The following PTK2 variants were observed in gnomAD, a reference collection of about 807,000 sequenced individuals.
PTK2 encodes the protein protein tyrosine kinase 2.
A neutral mutation model predicts 150.1 loss-of-function variants in PTK2; 45 were observed. The ratio of observed to expected loss-of-function variants is 0.30; its 90% CI spans 0.24 to 0.38. PTK2 has a LOEUF of 0.38. Among genes scored for constraint, PTK2 ranks in the 10% least tolerant of loss-of-function variants. PTK2 has a pLI of 1.00. For missense variants in PTK2, 919 were observed against 1,307.3 expected (o/e 0.70, Z 4.58); for synonymous variants, 432 against 449.2 (o/e 0.96, Z 0.48).
intron 16 of PTK2, among the ~76,000 whole-genome samples, chr8:140,760,740 C>T (rs1426240539): frequency 2.0e-5 from 3 of 152,158 alleles, no homozygotes; most frequent in East Asian, 1.9e-4. Flanking sequence ...GCAAATGATA[C>T]TTCATTAAGC....
chr8:140,907,788 G>A (rs979346663), intron 2 of PTK2, among the ~76,000 whole-genome samples: 42 of 152,186 alleles, frequency 2.8e-4, no homozygotes, highest in African/African-American at 7.2e-4. Flanking sequence ...TGGCACCCAC[G>A]TTAAGAGAGC....
chr8:140,859,096 CAG>C (rs757376332), intron 5 of PTK2, among the ~76,000 whole-genome samples: 5 of 152,064 alleles, frequency 3.3e-5, no homozygotes, highest in Non-Finnish European at 7.4e-5. Flanking sequence ...CAAAACAAAA[CAG>C]AAAATACTCA....
intron 13 of PTK2, among the ~76,000 whole-genome samples, chr8:140,791,225 G>C (rs1420185370): frequency 6.6e-6 from 1 of 152,060 alleles, no homozygotes; most frequent in Non-Finnish European, 1.5e-5. Flanking sequence ...ACCCAGACTC[G>C]AGTGTGGTTG....
intron 4 of PTK2, among the ~76,000 whole-genome samples, chr8:140,868,246 C>G (rs537094249): frequency 6.6e-6 from 1 of 152,204 alleles, no homozygotes; most frequent in East Asian, 1.9e-4. Context: ...CTAGCTAGTC[C>G]GTGTTTAGTG....
intron 17 of PTK2, 187 bp downstream of exon 20, chr8:140,752,045 A>G: frequency 1.4e-6 from 1 of 701,056 alleles, no homozygotes; most frequent in Non-Finnish European, 2.6e-6. Flanking sequence ...ATAAAACATG[A>G]TGGTTTACCT....
At chr8:140,850,742 GA>G (rs1160556748) in intron 5 of PTK2, among the ~76,000 whole-genome samples, 2 of 150,644 alleles carry the variant, frequency 1.3e-5, no homozygotes, top group African/African-American at 2.4e-5. Context: ...AAAAGAAAAA[GA>G]AAAAAAAACT....
At chr8:140,801,284 A>G (rs1016608304) in intron 11 of PTK2, among the ~76,000 whole-genome samples, 7 of 152,218 alleles carry the variant, frequency 4.6e-5, no homozygotes, top group African/African-American at 7.2e-5. Context: ...AGCTTCAAAA[A>G]ACATGCTTTA....
chr8:140,910,221 G>A (rs1370049172), intron 2 of PTK2, among the ~76,000 whole-genome samples: 2 of 152,074 alleles, frequency 1.3e-5, no homozygotes, highest in Non-Finnish European at 2.9e-5. Context: ...ATAAAAGAGT[G>A]GGGGAGGTAA....
intron 5 of PTK2, among the ~76,000 whole-genome samples, chr8:140,863,770 G>A (rs190203389): frequency 2.0e-5 from 3 of 152,224 alleles, no homozygotes; most frequent in East Asian, 1.9e-4. Context: ...TGGATTATGC[G>A]ATTTATTTCT....
At chr8:140,829,415 T>C (rs565063172) in intron 8 of PTK2, among the ~76,000 whole-genome samples, 4 of 152,250 alleles carry the variant, frequency 2.6e-5, no homozygotes, top group African/African-American at 9.6e-5. Flanking sequence ...TGATAAATTA[T>C]ACCAACACTC....
intron 1 of PTK2, among the ~76,000 whole-genome samples, chr8:140,970,329 T>C (rs2100186785): frequency 6.6e-6 from 1 of 152,284 alleles, no homozygotes; most frequent in Non-Finnish European, 1.5e-5. Flanking sequence ...GACCAGCTTC[T>C]AGATCCTCAG....
At chr8:140,897,137 C>T (rs573390081) in intron 2 of PTK2, among the ~76,000 whole-genome samples, 7 of 152,226 alleles carry the variant, frequency 4.6e-5, no homozygotes, top group Non-Finnish European at 7.4e-5. Flanking sequence ...GGAATAAATA[C>T]GGAGTATGTC....
At chr8:140,946,610 T>G (rs2100177788) in intron 1 of PTK2, among the ~76,000 whole-genome samples, 1 of 152,346 alleles carries the variant, frequency 6.6e-6, no homozygotes, top group Non-Finnish European at 1.5e-5. Context: ...GTTTCCCGCA[T>G]GAATACACCC....
intron 16 of PTK2, among the ~76,000 whole-genome samples, chr8:140,754,568 C>T (rs1026439689): frequency 1.3e-5 from 2 of 152,174 alleles, no homozygotes; most frequent in Non-Finnish European, 2.9e-5. Context: ...CATCATTAAT[C>T]CTGTCAACTA....
At chr8:140,918,914 C>T (rs939098540) in intron 2 of PTK2, among the ~76,000 whole-genome samples, 1 of 152,134 alleles carries the variant, frequency 6.6e-6, no homozygotes, top group African/African-American at 2.4e-5. Flanking sequence ...TCCTATACAC[C>T]AACATCTTTG....
intron 1 of PTK2, chr8:140,983,732 G>A (rs1474237179): frequency 6.6e-6 from 1 of 151,706 alleles, no homozygotes; most frequent in Admixed American, 6.6e-5. Flanking sequence ...GAAGAAGGGA[G>A]GGAGGGAGGG....
chr8:140,815,408 T>C (rs2100104122), intron 10 of PTK2, among the ~76,000 whole-genome samples: 1 of 152,050 alleles, frequency 6.6e-6, no homozygotes, highest in African/African-American at 2.4e-5. Context: ...CACTGGGGCC[T>C]ACCAGAGGGT....
At chr8:140,772,975 T>C (rs2100076364) in intron 14 of PTK2, among the ~76,000 whole-genome samples, 1 of 152,194 alleles carries the variant, frequency 6.6e-6, no homozygotes, top group Non-Finnish European at 1.5e-5. Flanking sequence ...TATTGTAAAA[T>C]GGGGTTATAA....
At chr8:140,952,853 A>G (rs1305866638) in intron 1 of PTK2, among the ~76,000 whole-genome samples, 2 of 152,224 alleles carry the variant, frequency 1.3e-5, no homozygotes, top group East Asian at 3.8e-4. Flanking sequence ...ACCAAGATCT[A>G]CAAGTTACAA....
Sources: allele counts gnomAD v4.1 joint callset (sites outside exome capture counted in the v4.1 genomes callset), GRCh38; gene constraint gnomAD v4.1.1; transcripts MANE v1.5; gene names NCBI Gene and HGNC (gene_info 2026-07-23, HGNC 2026-07-21).